Variants in TMPRSS2 observed in about 807,000 individuals in gnomAD.
TMPRSS2 encodes transmembrane protease serine 2.
In TMPRSS2, 59 loss-of-function variants were observed where a neutral mutation model predicts 67.4. The ratio of observed to expected loss-of-function variants is 0.88; its 90% CI spans 0.71 to 1.09. The LOEUF is 1.09. Among genes scored for constraint, TMPRSS2 ranks in the 50% least tolerant of loss-of-function variants. The probability of loss-of-function intolerance (pLI) is 0.00; values close to 1 mark genes in which losing one functional copy is unlikely to be tolerated. For missense variants in TMPRSS2, 668 were observed against 642.7 expected (o/e 1.04, Z -0.43); for synonymous variants, 257 against 257.0 (o/e 1.00, Z 0.00).
chr21:41,501,719 A>G (rs1203744210), intron 1 of TMPRSS2, among the ~76,000 whole-genome samples: 1 of 152,130 alleles, frequency 6.6e-6, no homozygotes, highest in Non-Finnish European at 1.5e-5. Flanking sequence ...AAGGGGAAGC[A>G]CTGCTGTCCC....
At chr21:41,485,903 C>T (rs752423992) in intron 5 of TMPRSS2, among the ~76,000 whole-genome samples, 47 of 152,354 alleles carry the variant, frequency 3.1e-4, no homozygotes, top group East Asian at 9.6e-4. Context: ...CCGAGCTCCA[C>T]GGGCCAGTGC....
chr21:41,494,462 G>T lies in TMPRSS2; in HGVS notation c.132C>A (p.Tyr44Ter). 3.1e-6 allele frequency: 5 copies of T among 1,614,104 alleles called. No homozygotes were observed. Among genetic ancestry groups the T allele is most frequent in the Non-Finnish European group, 4.2e-6 (5 of 1,180,000 alleles). The change falls in exon 3 of 14, where the codon TAC becomes TAA. Residue 44 changes from tyrosine (Y) to a stop codon, truncating the protein, a stop_gained. Coordinates refer to ENST00000332149, the MANE Select transcript of TMPRSS2 (RefSeq NM_005656.4). LOFTEE classifies it high-confidence loss of function. ...CGTACTGGGGCACGGGGGACGGGTAGTACTGAGCCGGATGCACCTCGTAGA... is the reference window on the plus strand; with the variant it reads ...CGTACTGGGGCACGGGGGACGGGTATTACTGAGCCGGATGCACCTCGTAGA... Reference protein sequence around the residue: ...PTVYEVHPAQYYPSPVPQYAP... With the variant: ...PTVYEVHPAQ
intron 2 of TMPRSS2, among the ~76,000 whole-genome samples, chr21:41,496,831 T>C (rs1209751507): frequency 2.7e-4 from 5 of 18,356 alleles, no homozygotes; most frequent in Admixed American, 4.9e-4. Context: ...TCTCTCTCCT[T>C]TTTTTTTTTT....
intron 8 of TMPRSS2, among the ~76,000 whole-genome samples, chr21:41,476,037 G>T (rs1187900601): frequency 6.6e-6 from 1 of 152,070 alleles, no homozygotes; most frequent in Non-Finnish European, 1.5e-5. Context: ...AAACAGTTTG[G>T]AAACTGTAAG....
chr21:41,500,527 T>C (rs1475821226), intron 1 of TMPRSS2, among the ~76,000 whole-genome samples: 1 of 152,162 alleles, frequency 6.6e-6, no homozygotes. Context: ...CCCAACAGCC[T>C]GCCATGAATG....
chr21:41,502,121 C>T (rs2091428660), intron 1 of TMPRSS2, among the ~76,000 whole-genome samples: 1 of 152,178 alleles, frequency 6.6e-6, no homozygotes, highest in African/African-American at 2.4e-5. Flanking sequence ...CTGAGTCAGC[C>T]CATGAGTCAC....
Position 41,468,239 on chromosome 21 carries a change from G to T in TMPRSS2, c.1314+157C>A. 4 of 869,584 alleles carry T rather than the reference G, an allele frequency of 4.6e-6. No individual in the cohort carries two copies. In the South Asian group the frequency reaches 5.3e-5, roughly 12 times the overall value. 53.9% of individuals were successfully genotyped at this position (869,584 alleles called of 1,614,324 possible). A position where few individuals can be genotyped will look rare whatever the true frequency, so the allele number is the denominator to read the frequency against. On this transcript the variant is annotated intron_variant, in intron 12 of 13. Coordinates refer to ENST00000332149, the MANE Select transcript of TMPRSS2 (RefSeq NM_005656.4). ...ACTGTACTTCCTTCTGCCACCAGAA[G>T]CGTTCGCACTGTTTGTGGCCGTCAC... is the stretch of plus-strand genomic sequence containing the variant.
intron 5 of TMPRSS2, among the ~76,000 whole-genome samples, chr21:41,486,229 A>G (rs2091296839): frequency 6.6e-6 from 1 of 152,244 alleles, no homozygotes; most frequent in Admixed American, 6.5e-5. Flanking sequence ...AGCTGGAACT[A>G]AGATATGAGA....
intron 8 of TMPRSS2, among the ~76,000 whole-genome samples, chr21:41,475,686 G>T: frequency 9.7e-6 from 1 of 103,494 alleles, no homozygotes; most frequent in South Asian, 4.0e-4. Context: ...TGAGTGAGGG[G>T]GCGAGGGGGT....
chr21:41,468,367 C>A (rs1471780154), intron 12 of TMPRSS2, 29 bp downstream of exon 12: 1 of 1,613,400 alleles, frequency 6.2e-7, no homozygotes, highest in Admixed American at 1.7e-5. Flanking sequence ...CTGGTAAGGA[C>A]CAAAGGTAGA....
chr21:41,464,489 C>T lies in TMPRSS2; in HGVS notation c.*1653G>A. 5.1e-6 allele frequency: 1 copy of T among 197,250 alleles called. No homozygotes were observed. Among genetic ancestry groups the T allele is most frequent in the East Asian group, 7.9e-5 (1 of 12,702 alleles). 12.2% of individuals were successfully genotyped at this position (197,250 alleles called of 1,614,324 possible). On this transcript the variant is annotated 3_prime_UTR_variant, in exon 14 of 14. Transcript: ENST00000332149. ...CCTCTGACCAGCAGCCTCAACATCA[C>T]CCCCTTATAAGGAAATGGAGGCTGG... is the stretch of plus-strand genomic sequence containing the variant.
intron 12 of TMPRSS2, 80 bp downstream of exon 12, chr21:41,468,316 C>A: frequency 6.4e-7 from 1 of 1,563,990 alleles, no homozygotes. Context: ...GCTCTGCTGA[C>A]CCCAAGAATG....
chr21:41,479,333 A>G (rs774506414), intron 6 of TMPRSS2, 51 bp from the exon 7 acceptor site: 6 of 1,373,898 alleles, frequency 4.4e-6, no homozygotes, highest in African/African-American at 1.4e-5. Flanking sequence ...AAGCAAACAC[A>G]AATCCTATAC....
intron 5 of TMPRSS2, among the ~76,000 whole-genome samples, chr21:41,486,236 G>A (rs1418810683): frequency 2.0e-5 from 3 of 152,184 alleles, no homozygotes; most frequent in Admixed American, 2.0e-4. Flanking sequence ...ACTAAGATAT[G>A]AGAGCACACA....
At chr21:41,487,352 CAG>C (rs56097233) in intron 5 of TMPRSS2, 95,684 of 151,356 alleles carry the variant, frequency 0.63, 31,229 homozygotes, top group Middle Eastern at 0.73. Context: ...CTCACAGAAG[CAG>C]AGAGTAGAAA....
At position 41,471,738 on chromosome 21, in the gene TMPRSS2, G is replaced by A. The variant is rs1397117968; in HGVS notation, c.1075+68C>T. On this transcript the variant is annotated intron_variant, in intron 10 of 13. Transcript: ENST00000332149. The stretch of plus-strand genomic sequence containing the variant: ...CTCCCTTCCATTTGGCATAGCACAA[G>A]TGTCATTTCCAATCAACATCTCTTT... 13 of 1,501,160 alleles carry A rather than the reference G, an allele frequency of 8.7e-6. No homozygotes were observed. In the Admixed American group the frequency reaches 2.6e-4, roughly 30 times the overall value. The allele number at this position is 1,501,160 out of a possible 1,614,324, so 93.0% of individuals were successfully genotyped here.
chr21:41,488,519 A>G lies in TMPRSS2; in HGVS notation c.326-6T>C. The G allele has an allele frequency of 6.2e-7, 1 of 1,610,306 alleles. No homozygotes were observed. Among genetic ancestry groups the G allele is most frequent in the Non-Finnish European group, 8.5e-7 (1 of 1,177,640 alleles). Reference sequence around the variant, plus strand: ...GTTGGAGCACTTGCTGCCCACTTGCAGAGAAAACAGAAGAGAGGTGCCCTT... The same window carrying G: ...GTTGGAGCACTTGCTGCCCACTTGCGGAGAAAACAGAAGAGAGGTGCCCTT... On this transcript the variant is annotated splice_region_variant and splice_polypyrimidine_tract_variant and intron_variant, in intron 4 of 13. Transcript: ENST00000332149.
At chr21:41,466,232 C>A (rs569577322) in intron 13 of TMPRSS2, 79 bp from the exon 14 acceptor site, 2 of 1,465,538 alleles carry the variant, frequency 1.4e-6, no homozygotes, top group South Asian at 1.2e-5. Context: ...CCTCTAGGTT[C>A]GCATGAAGCA....
chr21:41,490,091 T>C (rs1479613925), intron 3 of TMPRSS2, among the ~76,000 whole-genome samples: 1 of 143,632 alleles, frequency 7.0e-6, no homozygotes, highest in Non-Finnish European at 1.5e-5. Flanking sequence ...GAGGTTGCAG[T>C]GAGCCGAGAT....
Sources: gnomAD v4.1 joint callset for allele counts (sites outside exome capture counted in the v4.1 genomes callset) on GRCh38, gnomAD v4.1.1 for gene constraint, MANE v1.5 for transcripts, NCBI Gene and HGNC (gene_info 2026-07-23, HGNC 2026-07-21) for gene names.